GABRR3: variants seen among roughly 807,000 people sequenced by gnomAD.
The protein encoded by GABRR3 is gamma-aminobutyric acid receptor subunit rho-3.
Under a neutral mutation model 43.2 loss-of-function variants are expected in GABRR3, and 29 were observed. The ratio of observed to expected loss-of-function variants is 0.67; its 90% CI spans 0.50 to 0.92. GABRR3 has a LOEUF of 0.92. Ranked by LOEUF, GABRR3 falls within the 40% of genes least tolerant of loss-of-function variation. GABRR3 has a pLI of 0.00. For synonymous variants in GABRR3, 206 were observed against 195.9 expected, an observed-to-expected ratio of 1.05 and a Z score of -0.43; for missense variants, 576 against 572.3, an observed-to-expected ratio of 1.01 and a Z score of -0.07.
intron 3 of GABRR3, among the ~76,000 whole-genome samples, chr3:98,020,742 T>C (rs2107245522): frequency 6.6e-6 from 1 of 152,296 alleles, no homozygotes; most frequent in South Asian, 2.1e-4. Context: ...TTTCTGGAAA[T>C]ACCTTCGATT....
intron 7 of GABRR3, among the ~76,000 whole-genome samples, chr3:98,005,325 T>A (rs952564405): frequency 3.9e-5 from 6 of 152,106 alleles, no homozygotes; most frequent in Admixed American, 2.6e-4. Flanking sequence ...ATGGGATTTT[T>A]AAAATATATT....
intron 8 of GABRR3, chr3:97,998,979 G>GT (rs779105304): frequency 7.2e-5 from 11 of 152,090 alleles, no homozygotes; most frequent in Non-Finnish European, 1.5e-4. Context: ...GTCCTCATTA[G>GT]TTTTTAAGAG....
chr3:98,033,606 T>C (rs1272106702), intron 2 of GABRR3, among the ~76,000 whole-genome samples: 8 of 152,182 alleles, frequency 5.3e-5, no homozygotes, highest in African/African-American at 1.9e-4. Flanking sequence ...AAGTCTACTC[T>C]ATGGATGACA....
chr3:98,017,976 C>T (rs1293711486), intron 3 of GABRR3, among the ~76,000 whole-genome samples: 1 of 148,782 alleles, frequency 6.7e-6, no homozygotes, highest in Non-Finnish European at 1.5e-5. Context: ...ATTTCCTCCT[C>T]TAGTATAAGA....
chr3:98,001,428 C>G (rs1576039271), intron 8 of GABRR3, 187 bp downstream of exon 8: 1 of 596,920 alleles, frequency 1.7e-6, no homozygotes, highest in East Asian at 2.8e-5. Flanking sequence ...TCCGGGTTCC[C>G]AAGGAAAGAA....
chr3:97,992,518 T>G (rs1706484335), intron 9 of GABRR3, among the ~76,000 whole-genome samples: 1 of 152,184 alleles, frequency 6.6e-6, no homozygotes, highest in Admixed American at 6.5e-5. Flanking sequence ...CATTACATGT[T>G]AGCTATTATT....
intron 7 of GABRR3, among the ~76,000 whole-genome samples, chr3:98,003,195 C>A (rs1475824231): frequency 6.6e-6 from 1 of 152,006 alleles, no homozygotes. Flanking sequence ...TACTGTGTAC[C>A]ACTGAGAGTT....
rs1273620069 is a variant in GABRR3 at position 98,012,584 on chromosome 3, A to G, written c.307-17T>C. 1.3e-6 allele frequency: 2 copies of G among 1,556,098 alleles called. No homozygotes were observed. On this transcript the variant is annotated splice_polypyrimidine_tract_variant and intron_variant, in intron 4 of 9. Coordinates refer to ENST00000621172, the Ensembl canonical transcript of GABRR3. The stretch of plus-strand genomic sequence containing the variant: ...TGTAAAGTCCTAGACAGAGAGAAAA[A>G]GAGACCAAAAAAACCAGTAGGAATA...
At chr3:98,029,038 A>C (rs1390097038) in intron 2 of GABRR3, among the ~76,000 whole-genome samples, 1 of 152,118 alleles carries the variant, frequency 6.6e-6, no homozygotes, top group Non-Finnish European at 1.5e-5. Context: ...GAAAAAAAAA[A>C]TGATTTCAGT....
chr3:97,997,824 A>G (rs1706583333), intron 8 of GABRR3: 1 of 152,226 alleles, frequency 6.6e-6, no homozygotes, highest in Non-Finnish European at 1.5e-5. Flanking sequence ...TATATTTCAC[A>G]AATGCAGATG....
chr3:98,027,070 A>G (rs1024549965), intron 2 of GABRR3, among the ~76,000 whole-genome samples: 3 of 152,242 alleles, frequency 2.0e-5, no homozygotes, highest in African/African-American at 7.2e-5. Flanking sequence ...TTGAACACAT[A>G]CAACTAGTTT....
intron 7 of GABRR3, among the ~76,000 whole-genome samples, chr3:98,003,425 T>TG (rs1255842409): frequency 2.0e-5 from 3 of 151,576 alleles, no homozygotes; most frequent in Non-Finnish European, 4.4e-5. Flanking sequence ...CCTTTTTTTT[T>TG]TTTTTTGGTG....
At chr3:98,034,312 G>A (rs139449419) in intron 2 of GABRR3, among the ~76,000 whole-genome samples, 291 of 152,146 alleles carry the variant, frequency 1.9e-3, no homozygotes, top group Non-Finnish European at 2.1e-3. Flanking sequence ...TTACTAGCAC[G>A]TCCAAACATG....
At chr3:98,014,753 T>A (rs1282793805) in intron 4 of GABRR3, among the ~76,000 whole-genome samples, 1 of 152,202 alleles carries the variant, frequency 6.6e-6, no homozygotes, top group East Asian at 1.9e-4. Context: ...GAGGAATCAC[T>A]ATAAATAAAA....
chr3:97,995,913 T>A (rs968793874), intron 8 of GABRR3, among the ~76,000 whole-genome samples: 3 of 152,212 alleles, frequency 2.0e-5, no homozygotes, highest in Non-Finnish European at 4.4e-5. Context: ...CTACTGATGT[T>A]GCTACGCATA....
At chr3:98,008,348 T>A (rs1706748680) in intron 6 of GABRR3, among the ~76,000 whole-genome samples, 1 of 152,160 alleles carries the variant, frequency 6.6e-6, no homozygotes, top group South Asian at 2.1e-4. Context: ...AGTCAAATAG[T>A]GGTATGGAAA....
intron 2 of GABRR3, among the ~76,000 whole-genome samples, chr3:98,032,352 G>A (rs536099913): frequency 1.3e-5 from 2 of 152,212 alleles, no homozygotes; most frequent in Non-Finnish European, 2.9e-5. Context: ...ATTGGCTGTT[G>A]CAAGCCAGAC....
chr3:98,001,161 A>G (rs1288376483), intron 8 of GABRR3: 2 of 153,566 alleles, frequency 1.3e-5, no homozygotes, highest in East Asian at 1.9e-4. Context: ...TCCCTTCCAC[A>G]TTCTTGTTAA....
intron 3 of GABRR3, among the ~76,000 whole-genome samples, chr3:98,020,737 G>T (rs1303718389): frequency 2.6e-5 from 4 of 151,982 alleles, no homozygotes; most frequent in Non-Finnish European, 1.5e-5. Flanking sequence ...ATGGGTTTCT[G>T]GAAATACCTT....
Sources: allele counts gnomAD v4.1 joint callset (sites outside exome capture counted in the v4.1 genomes callset), GRCh38; gene constraint gnomAD v4.1.1; transcripts MANE v1.5; gene names NCBI Gene and HGNC (gene_info 2026-07-23, HGNC 2026-07-21).